The following CSMD1 variants were observed in gnomAD, a reference collection of about 807,000 sequenced individuals.
CSMD1 encodes CUB and sushi domain-containing protein 1.
Under a neutral mutation model 417.5 loss-of-function variants are expected in CSMD1, and 213 were observed. That is an observed-to-expected ratio of 0.51 (90% CI 0.46 to 0.57). The LOEUF is 0.57. CSMD1 is among the 20% of genes least tolerant of loss of function. The pLI is 0.00. For missense variants in CSMD1, 6,923 were observed against 4,529.7 expected, an observed-to-expected ratio of 1.53 and a Z score of -15.17; for synonymous variants, 2,862 against 1,736.8, an observed-to-expected ratio of 1.65 and a Z score of -16.11.
At chr8:3,492,405 G>T (rs914531997) in intron 11 of CSMD1, among the ~76,000 whole-genome samples, 1 of 152,134 alleles carries the variant, frequency 6.6e-6, no homozygotes, top group Non-Finnish European at 1.5e-5. Context: ...GGCATCCTCA[G>T]TAGTATATAA....
chr8:3,195,561 T>C (rs149697328), intron 33 of CSMD1, among the ~76,000 whole-genome samples: 1,590 of 152,234 alleles, frequency 0.01, 16 homozygotes, highest in Non-Finnish European at 0.017. Flanking sequence ...TGATTTTCGG[T>C]GTAATATATT....
At chr8:3,307,557 C>G (rs1804972071) in intron 25 of CSMD1, 138 bp downstream of exon 25, 2 of 1,046,114 alleles carry the variant, frequency 1.9e-6, no homozygotes, top group Admixed American at 2.5e-5. Context: ...GCCAACAAAA[C>G]TTTTAGCTAC....
intron 7 of CSMD1, among the ~76,000 whole-genome samples, chr8:3,628,598 G>A (rs1053502909): frequency 6.6e-6 from 1 of 152,196 alleles, no homozygotes; most frequent in Non-Finnish European, 1.5e-5. Flanking sequence ...GGCAAGTGCA[G>A]GGGGAGGAAG....
intron 1 of CSMD1, among the ~76,000 whole-genome samples, chr8:4,815,945 G>C (rs556445745): frequency 4.6e-5 from 7 of 152,058 alleles, no homozygotes; most frequent in African/African-American, 1.2e-4. Flanking sequence ...CTGGAAAGTG[G>C]ATTAATATTT....
intron 3 of CSMD1, among the ~76,000 whole-genome samples, chr8:4,178,804 T>A (rs1380090527): frequency 1.3e-5 from 2 of 152,086 alleles, no homozygotes; most frequent in Admixed American, 1.3e-4. Context: ...AACAGCCAAA[T>A]CAGGAGTGAA....
chr8:4,354,109 T>C (rs1325467045), intron 3 of CSMD1, among the ~76,000 whole-genome samples: 1 of 152,204 alleles, frequency 6.6e-6, no homozygotes, highest in Non-Finnish European at 1.5e-5. Flanking sequence ...CTCGTTAACT[T>C]GCCCAAGAAC....
At chr8:4,919,387 A>G (rs1350747978) in intron 1 of CSMD1, among the ~76,000 whole-genome samples, 1 of 152,206 alleles carries the variant, frequency 6.6e-6, no homozygotes, top group African/African-American at 2.4e-5. Context: ...AATCTAATAA[A>G]TTTTATTCAT....
chr8:4,900,427 G>T (rs1157159558), intron 1 of CSMD1, among the ~76,000 whole-genome samples: 3 of 152,128 alleles, frequency 2.0e-5, no homozygotes, highest in African/African-American at 7.2e-5. Context: ...AATTTCTGGA[G>T]ATGCAGCCTC....
At chr8:4,939,505 A>G (rs114290317) in intron 1 of CSMD1, among the ~76,000 whole-genome samples, 1,815 of 152,326 alleles carry the variant, frequency 0.012, 30 homozygotes, top group African/African-American at 0.042. Context: ...GACAATATGA[A>G]TGAAACAGAC....
At chr8:3,744,529 G>T (rs1796973167) in intron 6 of CSMD1, among the ~76,000 whole-genome samples, 1 of 152,090 alleles carries the variant, frequency 6.6e-6, no homozygotes, top group African/African-American at 2.4e-5. Context: ...TAGATCCAAA[G>T]ATTCGTTTCT....
At chr8:4,463,058 G>T (rs960054424) in intron 2 of CSMD1, among the ~76,000 whole-genome samples, 2 of 152,086 alleles carry the variant, frequency 1.3e-5, no homozygotes, top group African/African-American at 4.8e-5. Context: ...TAAATAACTT[G>T]CATCTGGAAT....
At chr8:4,180,498 A>C (rs1277781948) in intron 3 of CSMD1, among the ~76,000 whole-genome samples, 5 of 151,842 alleles carry the variant, frequency 3.3e-5, no homozygotes, top group African/African-American at 4.8e-5. Flanking sequence ...TAGTGGGTGC[A>C]GCACACCAGC....
At chr8:3,181,241 G>T (rs11785446) in intron 36 of CSMD1, 27 bp from the exon 37 acceptor site, 3 of 1,455,044 alleles carry the variant, frequency 2.1e-6, no homozygotes, top group South Asian at 1.2e-5. Flanking sequence ...AGATAGAATT[G>T]TAACACTACA....
chr8:3,476,816 G>A (rs10110203), intron 11 of CSMD1, among the ~76,000 whole-genome samples: 89,800 of 151,228 alleles, frequency 0.59, 27,328 homozygotes, highest in Middle Eastern at 0.74. Flanking sequence ...TACTTGGGAG[G>A]CTGAGGCAAG....
chr8:4,263,908 G>C lies in CSMD1; in HGVS notation c.415+156045C>G, dbSNP rs114386025. Among the ~76,000 whole-genome samples the C allele has an allele frequency of 9.5e-3, 1,448 of 152,236 alleles. 19 individuals carry two copies. The highest frequency in any genetic ancestry group is 0.033 in the African/African-American group (1,376 of 41,554). ...GAACAATTATAGACACAATAGTCCT[G>C]CAGTTTTCTAAATACAGTGTTTTTC... is the stretch of plus-strand genomic sequence containing the variant. On this transcript the variant is annotated intron_variant, in intron 3 of 69. Transcript: ENST00000635120.
At position 3,029,642 on chromosome 8, in the gene CSMD1, T is replaced by C. The variant is rs940011780; in HGVS notation, c.7661-129A>G. On this transcript the variant is annotated intron_variant, in intron 50 of 69. Transcript: ENST00000635120. Reference sequence around the variant, plus strand: ...TTGGCAAAGTTGATGCCATTACGTATTATCTCAGTGTTTCTCTACCACCCA... The same window carrying C: ...TTGGCAAAGTTGATGCCATTACGTACTATCTCAGTGTTTCTCTACCACCCA... The C allele has an allele frequency of 8.6e-5, 61 of 705,716 alleles. No homozygotes were observed. In the African/African-American group the frequency reaches 1.1e-3, roughly 12 times the overall value. 43.7% of individuals were successfully genotyped at this position (705,716 alleles called of 1,614,324 possible).
At chr8:4,458,598 A>C (rs1372143594) in intron 2 of CSMD1, among the ~76,000 whole-genome samples, 3 of 152,232 alleles carry the variant, frequency 2.0e-5, no homozygotes, top group African/African-American at 7.2e-5. Flanking sequence ...AGGAAAAAAA[A>C]GAAAAATCAT....
At chr8:3,658,464 G>GTATATATATATATATATA (rs113956125) in intron 7 of CSMD1, among the ~76,000 whole-genome samples, 19 of 144,182 alleles carry the variant, frequency 1.3e-4, no homozygotes, top group South Asian at 2.2e-4. Context: ...TATATATATT[G>GTATATATATATATATATA]TGTATATATA....
At chr8:4,379,853 G>C (rs924223090) in intron 3 of CSMD1, among the ~76,000 whole-genome samples, 2 of 152,202 alleles carry the variant, frequency 1.3e-5, no homozygotes, top group East Asian at 1.9e-4. Context: ...CCTGCTAGGA[G>C]ACAGTGATGT....
Sources: allele counts gnomAD v4.1 joint callset (sites outside exome capture counted in the v4.1 genomes callset), GRCh38; gene constraint gnomAD v4.1.1; transcripts MANE v1.5; gene names NCBI Gene and HGNC (gene_info 2026-07-23, HGNC 2026-07-21).